CHD2: variants seen among roughly 807,000 people sequenced by gnomAD.
CHD2 encodes ATP-dependent chromatin remodeler CHD2.
CHD2 carries 28 observed loss-of-function variants against 243.9 expected under a neutral mutation model. That is an observed-to-expected ratio of 0.11 (90% CI 0.09 to 0.16). The LOEUF (loss-of-function observed/expected upper bound fraction) is 0.16, where lower values mean the gene tolerates loss of function less well. Among genes scored for constraint, CHD2 ranks in the 10% least tolerant of loss-of-function variants. CHD2 has a pLI of 1.00. For missense variants in CHD2, 1,386 were observed against 2,209.8 expected (o/e 0.63, Z 7.47); for synonymous variants, 775 against 779.0 (o/e 0.99, Z 0.09).
chr15:92,940,280 C>A (rs1409456013), intron 7 of CHD2, among the ~76,000 whole-genome samples: 8 of 152,030 alleles, frequency 5.3e-5, no homozygotes, highest in Non-Finnish European at 1.0e-4. Flanking sequence ...AGGGCGAGAC[C>A]CTGTCTCTAC....
rs1281660863 is a variant in CHD2 at position 92,993,076 on chromosome 15, A to G, written c.3595+78A>G. 3 of 1,530,850 alleles carry G rather than the reference A, an allele frequency of 2.0e-6. No individual in the cohort carries two copies. In the South Asian group the frequency reaches 3.5e-5, roughly 18 times the overall value. 94.8% of individuals were successfully genotyped at this position (1,530,850 alleles called of 1,614,324 possible). On this transcript the variant is annotated intron_variant, in intron 28 of 38. Coordinates refer to ENST00000394196, the MANE Select transcript of CHD2 (RefSeq NM_001271.4). ...ATTTCTGTTGCTAAAGGGCGTTTTA[A>G]GGACAGGCTTGAGGACCACACATGC...
At chr15:93,017,338 T>TG (rs397937238) in intron 37 of CHD2, among the ~76,000 whole-genome samples, 3 of 151,418 alleles carry the variant, frequency 2.0e-5, no homozygotes, top group East Asian at 1.9e-4. Context: ...TTTCTTTTTT[T>TG]GGGAGATGGA....
intron 2 of CHD2, among the ~76,000 whole-genome samples, chr15:92,906,361 T>C (rs550877555): frequency 6.6e-6 from 1 of 152,140 alleles, no homozygotes; most frequent in Non-Finnish European, 1.5e-5. Flanking sequence ...CAGAGGAAGG[T>C]GGGCAAATAA....
At chr15:92,991,213 G>C (rs1188676890) in intron 26 of CHD2, 1 of 363,720 alleles carries the variant, frequency 2.7e-6, no homozygotes, top group Non-Finnish European at 4.9e-6. Context: ...CAGTTCTCTA[G>C]CATGTTATCT....
chr15:92,906,731 C>G (rs2052629829), intron 2 of CHD2, among the ~76,000 whole-genome samples: 1 of 141,644 alleles, frequency 7.1e-6, no homozygotes, highest in South Asian at 2.2e-4. Flanking sequence ...TAGAACTTTG[C>G]TTCCTTGAAG....
Position 92,901,308 on chromosome 15 carries a change from T to C in CHD2, c.62+9T>C, listed in dbSNP as rs1336074838. 3 of 1,583,456 alleles carry C rather than the reference T, an allele frequency of 1.9e-6. No individual in the cohort carries two copies. The South Asian group carries it at 3.4e-5, about 18-fold the overall frequency. On this transcript the variant is annotated intron_variant, in intron 2 of 38. Coordinates refer to ENST00000394196, the MANE Select transcript of CHD2 (RefSeq NM_001271.4). ...CACAGCAATGCATCGAGGTATGAGC[T>C]ATCAACTTTCTTCCTTTTTGTCTTT...
chr15:93,002,124 TA>T (rs1175899352), intron 32 of CHD2, 52 bp from the exon 33 acceptor site: 5 of 1,558,946 alleles, frequency 3.2e-6, no homozygotes, highest in Non-Finnish European at 4.3e-6. Flanking sequence ...AGAAAGTACA[TA>T]AGTAGATATA....
chr15:92,902,579 A>C (rs940579966), intron 2 of CHD2: 1 of 159,298 alleles, frequency 6.3e-6, no homozygotes, highest in African/African-American at 2.4e-5. Flanking sequence ...TTGCTTTAGA[A>C]AATAAGTTAC....
chr15:92,903,331 G>A (rs1187708417), intron 2 of CHD2, among the ~76,000 whole-genome samples: 1 of 152,074 alleles, frequency 6.6e-6, no homozygotes, highest in African/African-American at 2.4e-5. Flanking sequence ...GGAATACTAC[G>A]AAAATCACCT....
chr15:92,985,774 A>G (rs1479078741), intron 26 of CHD2, 101 bp downstream of exon 26: 1 of 1,187,900 alleles, frequency 8.4e-7, no homozygotes, highest in Non-Finnish European at 1.1e-6. Context: ...GGCAGAGGCT[A>G]ATACCTACAA....
chr15:92,953,718 A>G (rs770326227), intron 14 of CHD2, 145 bp downstream of exon 14: 6 of 726,838 alleles, frequency 8.3e-6, no homozygotes, highest in South Asian at 3.8e-5. Context: ...AGGTTTATCT[A>G]TCACAAAAGT....
chr15:93,012,275 T>C, intron 35 of CHD2, 70 bp from the exon 36 acceptor site: 1 of 949,680 alleles, frequency 1.1e-6, no homozygotes, highest in Non-Finnish European at 1.6e-6. Flanking sequence ...TAGCTTGCCA[T>C]CCATGAAGAT....
At chr15:92,910,898 A>G (rs1370112982) in intron 2 of CHD2, among the ~76,000 whole-genome samples, 1 of 152,180 alleles carries the variant, frequency 6.6e-6, no homozygotes, top group Non-Finnish European at 1.5e-5. Flanking sequence ...GGTATAGCCT[A>G]CTGCACACTT....
At chr15:93,013,080 C>T (rs2054412723) in intron 36 of CHD2, among the ~76,000 whole-genome samples, 1 of 152,218 alleles carries the variant, frequency 6.6e-6, no homozygotes, top group African/African-American at 2.4e-5. Flanking sequence ...TTATGTCTCT[C>T]ATCTACTGCT....
chr15:92,993,054 T>G (rs2054141001), intron 28 of CHD2, 56 bp downstream of exon 28: 2 of 1,600,246 alleles, frequency 1.2e-6, no homozygotes, highest in Non-Finnish European at 1.7e-6. Context: ...GGACTGGATT[T>G]CTGTTGCTAA....
Position 92,924,854 on chromosome 15 carries a change from G to A in CHD2, c.294+302G>A, listed in dbSNP as rs142001950. Among the ~76,000 whole-genome samples, 17 of 152,132 alleles carry A rather than the reference G, an allele frequency of 1.1e-4. No homozygotes were observed. In the East Asian group the frequency reaches 2.7e-3, roughly 24 times the overall value. On this transcript the variant is annotated intron_variant, in intron 3 of 38. Transcript: ENST00000394196. ...TGCTCTGTTGCCCAGCCTGGAGTGCGCAGTGGCACGATCTTGGCTCACTGC... is the reference window on the plus strand; with the variant it reads ...TGCTCTGTTGCCCAGCCTGGAGTGCACAGTGGCACGATCTTGGCTCACTGC...
chr15:92,937,202 A>G (rs775646164), intron 5 of CHD2, among the ~76,000 whole-genome samples: 13 of 152,180 alleles, frequency 8.5e-5, no homozygotes, highest in Non-Finnish European at 1.5e-4. Context: ...TGGTCCTGAT[A>G]ACATTTTAAA....
chr15:93,001,702 A>G (rs1255950902), intron 32 of CHD2, among the ~76,000 whole-genome samples: 1 of 152,038 alleles, frequency 6.6e-6, no homozygotes, highest in Non-Finnish European at 1.5e-5. Flanking sequence ...TTTTTAGAAG[A>G]GACAGGGTTT....
At chr15:92,926,793 A>C (rs1293166486) in intron 3 of CHD2, among the ~76,000 whole-genome samples, 1 of 152,256 alleles carries the variant, frequency 6.6e-6, no homozygotes, top group Non-Finnish European at 1.5e-5. Flanking sequence ...AGGAACTTAA[A>C]GAAAAATACA....
Sources: allele counts gnomAD v4.1 joint callset (sites outside exome capture counted in the v4.1 genomes callset), GRCh38; gene constraint gnomAD v4.1.1; transcripts MANE v1.5; gene names NCBI Gene and HGNC (gene_info 2026-07-23, HGNC 2026-07-21).